Variants in SKAP2 observed in about 807,000 individuals in gnomAD.
The protein encoded by SKAP2 is src kinase-associated phosphoprotein 2.
SKAP2 carries 28 observed loss-of-function variants against 54.9 expected under a neutral mutation model. That is an observed-to-expected ratio of 0.51 (90% CI 0.38 to 0.70). SKAP2 has a LOEUF of 0.70. SKAP2 is among the 30% of genes least tolerant of loss of function. The probability of loss-of-function intolerance (pLI) is 0.00; values close to 1 mark genes in which losing one functional copy is unlikely to be tolerated. For missense variants in SKAP2, 356 were observed against 424.1 expected (o/e 0.84, Z 1.41); for synonymous variants, 137 against 134.3 (o/e 1.02, Z -0.14).
rs1787887043 is a variant in SKAP2, at chr7:26,734,668, T to C, written c.469+4127A>G. Among the ~76,000 whole-genome samples, 4 of 152,228 alleles carry C rather than the reference T, an allele frequency of 2.6e-5. No homozygotes were observed. The South Asian group carries it at 8.3e-4, about 32-fold the overall frequency. On this transcript the variant is annotated intron_variant, in intron 6 of 12. Coordinates refer to ENST00000345317, the MANE Select transcript of SKAP2 (RefSeq NM_003930.5). The stretch of plus-strand genomic sequence containing the variant: ...TCAGTGCCTAGTGAGGGCTGCTCTC[T>C]GCTTCAAGATGCCACCTTGTTGCTG...
intron 4 of SKAP2, among the ~76,000 whole-genome samples, chr7:26,786,469 G>C (rs1206340237): frequency 6.6e-5 from 10 of 152,152 alleles, no homozygotes; most frequent in Admixed American, 5.2e-4. Context: ...AGGGTTGTCT[G>C]GGATGACCTC....
intron 4 of SKAP2, among the ~76,000 whole-genome samples, chr7:26,826,871 C>T (rs903963692): frequency 1.3e-5 from 2 of 152,028 alleles, no homozygotes; most frequent in African/African-American, 4.8e-5. Flanking sequence ...TAGCACTTTG[C>T]CTAAAACGTA....
rs60003079 is a variant in SKAP2, at chr7:26,685,377, TA to T, written c.875-530del. On this transcript the variant is annotated intron_variant, in intron 10 of 12. Coordinates refer to ENST00000345317, the MANE Select transcript of SKAP2 (RefSeq NM_003930.5). ...AAAAATACTAAACCCTAGAGCTGGT[TA>T]ATGAAAGACAACAACGTGGAAACGG... 1.1e-4 allele frequency among the ~76,000 whole-genome samples: 17 copies of T among 152,292 alleles called. No homozygotes were observed. In the East Asian group the frequency reaches 3.3e-3, roughly 29 times the overall value.
At chr7:26,678,204 C>T (rs886351085) in intron 11 of SKAP2, among the ~76,000 whole-genome samples, 1 of 152,128 alleles carries the variant, frequency 6.6e-6, no homozygotes, top group Admixed American at 6.5e-5. Flanking sequence ...TAGAACAGGA[C>T]ATTGTAAATG....
intron 4 of SKAP2, among the ~76,000 whole-genome samples, chr7:26,808,779 T>G (rs1345660659): frequency 1.3e-5 from 2 of 152,170 alleles, no homozygotes; most frequent in Admixed American, 1.3e-4. Context: ...ATAACAACAA[T>G]GCCTACGGCA....
At chr7:26,784,449 G>T (rs2127979313) in intron 4 of SKAP2, among the ~76,000 whole-genome samples, 1 of 152,312 alleles carries the variant, frequency 6.6e-6, no homozygotes, top group East Asian at 1.9e-4. Flanking sequence ...TTCTGTGAAA[G>T]CCAGCGATAA....
At chr7:26,785,095 T>G (rs1025160732) in intron 4 of SKAP2, among the ~76,000 whole-genome samples, 1 of 152,144 alleles carries the variant, frequency 6.6e-6, no homozygotes, top group Non-Finnish European at 1.5e-5. Context: ...GTGCAAATAG[T>G]TTTTACCTTC....
At position 26,667,270 on chromosome 7, in the gene SKAP2, T is replaced by C. The variant is rs1786120989; in HGVS notation, c.*2396A>G. The C allele has an allele frequency of 6.6e-6, 1 of 152,056 alleles. No homozygotes were observed. Among genetic ancestry groups the C allele is most frequent in the Non-Finnish European group, 1.5e-5 (1 of 67,996 alleles). 9.4% of individuals were successfully genotyped at this position (152,056 alleles called of 1,614,324 possible). A position where few individuals can be genotyped will look rare whatever the true frequency, so the allele number is the denominator to read the frequency against. ...AAAACAAATAAAAGCTAAGCAAACA[T>C]AATGAGACCATAGCAATTAGCATAT... On this transcript the variant is annotated 3_prime_UTR_variant, in exon 13 of 13. Coordinates refer to ENST00000345317, the MANE Select transcript of SKAP2 (RefSeq NM_003930.5).
intron 9 of SKAP2, among the ~76,000 whole-genome samples, chr7:26,691,273 G>A (rs545695433): frequency 5.3e-5 from 8 of 152,206 alleles, no homozygotes; most frequent in Middle Eastern, 6.8e-3. Flanking sequence ...GCTTTAAATA[G>A]ACTTAATAAA....
intron 9 of SKAP2, among the ~76,000 whole-genome samples, chr7:26,706,617 AT>A (rs1179732680): frequency 6.6e-6 from 1 of 152,178 alleles, no homozygotes; most frequent in Admixed American, 6.5e-5. Flanking sequence ...TTGAGATGAT[AT>A]TCTCTCTCTT....
chr7:26,721,276 A>G (rs1787571131), intron 9 of SKAP2, among the ~76,000 whole-genome samples: 1 of 152,138 alleles, frequency 6.6e-6, no homozygotes, highest in Non-Finnish European at 1.5e-5. Context: ...GCCAAAATGT[A>G]TTTTGGGGGC....
At chr7:26,734,128 A>G (rs777932262) in intron 6 of SKAP2, among the ~76,000 whole-genome samples, 30 of 152,178 alleles carry the variant, frequency 2.0e-4, no homozygotes, top group Non-Finnish European at 4.4e-5. Context: ...GGAGGCAGAG[A>G]GATCTGCATT....
rs768834321 is a variant in SKAP2 at position 26,690,368 on chromosome 7, A to C, written c.797-6T>G. 1.3e-6 allele frequency: 2 copies of C among 1,593,998 alleles called. No homozygotes were observed. The highest frequency in any genetic ancestry group is 1.7e-6 in the Non-Finnish European group (2 of 1,161,836). On this transcript the variant is annotated splice_polypyrimidine_tract_variant and splice_region_variant and intron_variant, in intron 9 of 12. Coordinates refer to ENST00000345317, the MANE Select transcript of SKAP2 (RefSeq NM_003930.5). ...AGCACTGTCCTCTTCTTCTTCTGTA[A>C]ATAAACATTATCAATGGCACATTGA...
chr7:26,712,343 G>A (rs1413066296), intron 9 of SKAP2, among the ~76,000 whole-genome samples: 1 of 152,124 alleles, frequency 6.6e-6, no homozygotes, highest in African/African-American at 2.4e-5. Context: ...TGATATGATG[G>A]CCAAAAATTA....
At chr7:26,718,996 T>A (rs1787520855) in intron 9 of SKAP2, among the ~76,000 whole-genome samples, 1 of 152,010 alleles carries the variant, frequency 6.6e-6, no homozygotes, top group African/African-American at 2.4e-5. Context: ...CTGGTCAGCA[T>A]AGTAAGACTC....
chr7:26,690,048 T>C (rs1269611971), intron 10 of SKAP2, among the ~76,000 whole-genome samples: 2 of 152,210 alleles, frequency 1.3e-5, no homozygotes, highest in East Asian at 3.8e-4. Flanking sequence ...ATTGAGTCAT[T>C]ACAAAGTAAT....
At chr7:26,828,304 A>G (rs1380706043) in intron 4 of SKAP2, among the ~76,000 whole-genome samples, 1 of 152,230 alleles carries the variant, frequency 6.6e-6, no homozygotes, top group Non-Finnish European at 1.5e-5. Flanking sequence ...TAGAAATGAT[A>G]GCGGTATATA....
intron 9 of SKAP2, among the ~76,000 whole-genome samples, chr7:26,721,065 A>T (rs1472834506): frequency 6.6e-6 from 1 of 152,226 alleles, no homozygotes. Flanking sequence ...TAACAATATT[A>T]AAATACTGAA....
At chr7:26,691,263 G>A (rs1786773906) in intron 9 of SKAP2, among the ~76,000 whole-genome samples, 1 of 152,070 alleles carries the variant, frequency 6.6e-6, no homozygotes, top group African/African-American at 2.4e-5. Flanking sequence ...AATGAGAAGA[G>A]CTTTAAATAG....
Sources: gnomAD v4.1 joint callset for allele counts (sites outside exome capture counted in the v4.1 genomes callset) on GRCh38, gnomAD v4.1.1 for gene constraint, MANE v1.5 for transcripts, NCBI Gene and HGNC (gene_info 2026-07-23, HGNC 2026-07-21) for gene names.